The following SPI1 variants were observed in gnomAD, a reference collection of about 807,000 sequenced individuals.
SPI1 encodes transcription factor PU.1.
SPI1 carries 3 observed loss-of-function variants against 30.7 expected under a neutral mutation model. The observed-to-expected ratio is 0.10, with a 90% confidence interval of 0.04 to 0.25. The LOEUF (loss-of-function observed/expected upper bound fraction) is 0.25. Ranked by LOEUF, SPI1 falls within the 10% of genes least tolerant of loss-of-function variation. The pLI is 1.00. For synonymous variants in SPI1, 169 were observed against 157.1 expected (o/e 1.08, Z -0.56); for missense variants, 261 against 371.5 (o/e 0.70, Z 2.45).
At chr11:47,369,281 TAAAC>T (rs753906848) in intron 2 of SPI1, among the ~76,000 whole-genome samples, 3 of 152,032 alleles carry the variant, frequency 2.0e-5, no homozygotes, top group Admixed American at 6.6e-5. Context: ...AAAAGCATAA[TAAAC>T]AATAGCAAAT....
intron 4 of SPI1, chr11:47,358,423 C>T: frequency 3.2e-6 from 2 of 631,760 alleles, no homozygotes; most frequent in Non-Finnish European, 5.8e-6. Context: ...CACTGAAATA[C>T]ATTCATGTGT....
At chr11:47,363,561 C>T (rs996368210) in intron 2 of SPI1, among the ~76,000 whole-genome samples, 3 of 152,116 alleles carry the variant, frequency 2.0e-5, no homozygotes, top group Non-Finnish European at 4.4e-5. Flanking sequence ...TGGAATCTCA[C>T]TATGTTGCCT....
At chr11:47,361,526 C>A (rs1398176416) in intron 2 of SPI1, among the ~76,000 whole-genome samples, 1 of 152,174 alleles carries the variant, frequency 6.6e-6, no homozygotes, top group Non-Finnish European at 1.5e-5. Flanking sequence ...ACAAAAACTG[C>A]CACACATCTG....
chr11:47,364,644 G>C (rs897959620), intron 2 of SPI1, among the ~76,000 whole-genome samples: 4 of 152,080 alleles, frequency 2.6e-5, no homozygotes, highest in African/African-American at 9.7e-5. Flanking sequence ...CCTTAGGTGT[G>C]GGGTAAGAGG....
At chr11:47,366,048 C>T (rs935914) in intron 2 of SPI1, among the ~76,000 whole-genome samples, 100,940 of 151,940 alleles carry the variant, frequency 0.66, 33,554 homozygotes, top group South Asian at 0.69. Flanking sequence ...CATCATTACC[C>T]ATCACCTGTC....
chr11:47,370,552 A>C (rs1180281002), intron 2 of SPI1, among the ~76,000 whole-genome samples: 4 of 151,576 alleles, frequency 2.6e-5, no homozygotes, highest in Non-Finnish European at 5.9e-5. Flanking sequence ...AAATACAAAA[A>C]TTAGCTGGGC....
intron 4 of SPI1, among the ~76,000 whole-genome samples, chr11:47,357,593 G>A (rs912182373): frequency 1.3e-5 from 2 of 151,510 alleles, no homozygotes; most frequent in African/African-American, 4.9e-5. Context: ...TTGAGATGGA[G>A]TTGCTCTTGT....
In SPI1 at chr11:47,359,489, G is replaced by C. The variant is rs568970887; in HGVS notation, c.330+364C>G. The stretch of plus-strand genomic sequence containing the variant: ...TAGGGTCAGTAGGGAGGGTCACTGG[G>C]GAGAGGCAGGGTCAGTAGAGGTGTT... On this transcript the variant is annotated intron_variant, in intron 3 of 4. Coordinates refer to ENST00000378538, the MANE Select transcript of SPI1 (RefSeq NM_003120.3). This position sits in a 1 kb window ranked among gnomAD's most constrained non-coding sequence, Gnocchi z 5.1. 6.6e-6 allele frequency among the ~76,000 whole-genome samples: 1 copy of C among 152,276 alleles called. No individual in the cohort carries two copies. The highest frequency in any genetic ancestry group is 6.5e-5 in the Admixed American group (1 of 15,286).
chr11:47,356,974 TCA>T (rs145440922), intron 4 of SPI1, among the ~76,000 whole-genome samples: 45,628 of 149,080 alleles, frequency 0.31, 6,910 homozygotes, highest in Admixed American at 0.38. Context: ...TCACGTCTGC[TCA>T]CACACATGCT....
chr11:47,356,878 TCA>T (rs991437001), intron 4 of SPI1, among the ~76,000 whole-genome samples: 81 of 131,560 alleles, frequency 6.2e-4, no homozygotes, highest in African/African-American at 2.2e-3. Flanking sequence ...CTCACATTAC[TCA>T]GCTACACACA....
intron 2 of SPI1, among the ~76,000 whole-genome samples, chr11:47,370,742 A>G (rs188616956): frequency 6.6e-6 from 1 of 152,282 alleles, no homozygotes; most frequent in African/African-American, 2.4e-5. Context: ...GATATGAGAA[A>G]GTACAGGTAA....
Position 47,365,898 on chromosome 11 carries a change from T to C in SPI1, c.143-5858A>G, listed in dbSNP as rs545052870. 2.6e-5 allele frequency among the ~76,000 whole-genome samples: 4 copies of C among 152,312 alleles called. 1 individual carries two copies. Among genetic ancestry groups the C allele is most frequent in the African/African-American group, 9.6e-5 (4 of 41,568 alleles). On this transcript the variant is annotated intron_variant, in intron 2 of 4. Transcript: ENST00000378538. ...TTTTAGTATAAATGGGGTTTCACCA[T>C]GTTGGCCAGGCCGGTCTCAAACTCC...
intron 2 of SPI1, among the ~76,000 whole-genome samples, chr11:47,372,020 G>C (rs1244591180): frequency 6.6e-6 from 1 of 151,842 alleles, no homozygotes; most frequent in African/African-American, 2.4e-5. Context: ...CACCTCAAAG[G>C]CCTTCCCTGA....
At chr11:47,362,494 C>A (rs1448535414) in intron 2 of SPI1, among the ~76,000 whole-genome samples, 1 of 152,044 alleles carries the variant, frequency 6.6e-6, no homozygotes, top group Non-Finnish European at 1.5e-5. Context: ...ATCGTTTGAA[C>A]CCAGGAGTTT....
intron 4 of SPI1, among the ~76,000 whole-genome samples, chr11:47,357,937 CAT>C (rs2095914152): frequency 6.6e-6 from 1 of 151,986 alleles, no homozygotes; most frequent in African/African-American, 2.4e-5. Flanking sequence ...TGTTCACACA[CAT>C]GCACACCTGC....
chr11:47,355,583 GC>G, intron 4 of SPI1, 37 bp from the exon 5 acceptor site: 1 of 1,515,526 alleles, frequency 6.6e-7, no homozygotes, highest in South Asian at 1.3e-5. Context: ...GGGGCCCGGG[GC>G]CCACATGGGA....
At chr11:47,372,928 G>C (rs1387245089) in intron 2 of SPI1, among the ~76,000 whole-genome samples, 1 of 152,208 alleles carries the variant, frequency 6.6e-6, no homozygotes, top group Non-Finnish European at 1.5e-5. Context: ...TGGAGCCAGG[G>C]CTGGGCCAAA....
At chr11:47,355,907 A>C (rs1378639484) in intron 4 of SPI1, among the ~76,000 whole-genome samples, 1 of 150,200 alleles carries the variant, frequency 6.7e-6, no homozygotes, top group Non-Finnish European at 1.5e-5. Context: ...ACACGTGCTC[A>C]CACAACGCAC....
intron 2 of SPI1, among the ~76,000 whole-genome samples, chr11:47,364,810 T>C (rs907627438): frequency 1.3e-5 from 2 of 152,140 alleles, no homozygotes; most frequent in African/African-American, 4.8e-5. Context: ...TGGAAAAGCC[T>C]GTAAATGTGG....
Sources: allele counts gnomAD v4.1 joint callset (sites outside exome capture counted in the v4.1 genomes callset), GRCh38; gene constraint gnomAD v4.1.1; non-coding constraint Gnocchi (gnomAD v3.1); transcripts MANE v1.5; gene names NCBI Gene and HGNC (gene_info 2026-07-23, HGNC 2026-07-21).